RGMA: variants seen among roughly 807,000 people sequenced by gnomAD.
RGMA encodes repulsive guidance molecule A.
In RGMA, 10 loss-of-function variants were observed where a neutral mutation model predicts 23.2. The observed-to-expected ratio is 0.43, with a 90% CI of 0.27 to 0.73. The LOEUF (loss-of-function observed/expected upper bound fraction) is 0.73, where lower values mean the gene tolerates loss of function less well. RGMA is among the 30% of genes least tolerant of loss of function. The probability of loss-of-function intolerance (pLI) is 0.20; values close to 1 mark genes in which losing one functional copy is unlikely to be tolerated. For missense variants in RGMA, 547 were observed against 630.5 expected (o/e 0.87, Z 1.42); for synonymous variants, 308 against 279.3 (o/e 1.10, Z -1.03).
chr15:93,058,045 T>G (rs2055041868), intron 2 of RGMA, among the ~76,000 whole-genome samples: 1 of 152,228 alleles, frequency 6.6e-6, no homozygotes, highest in Admixed American at 6.5e-5. Flanking sequence ...TGGGAGAAGA[T>G]GCGGTGAGAA....
chr15:93,055,148 CAGAGAA>C (rs2141816436), intron 2 of RGMA, among the ~76,000 whole-genome samples: 2 of 152,212 alleles, frequency 1.3e-5, no homozygotes, highest in Non-Finnish European at 2.9e-5. Context: ...ATGTGGGTGT[CAGAGAA>C]AATCAACCGG....
At chr15:93,079,360 C>G (rs537842540) in intron 1 of RGMA, among the ~76,000 whole-genome samples, 1 of 152,222 alleles carries the variant, frequency 6.6e-6, no homozygotes, top group South Asian at 2.1e-4. Flanking sequence ...GTTTCTCCCT[C>G]GTCTCCAGGC....
rs897360633 is a variant in RGMA at position 93,040,646 on chromosome 15, A to G, written c.*4352T>C. ...TTCCCTTTTCTCTGTGGAGCTCGTT[A>G]CCATGGGACCCTGGGTTTTGTAACT... On this transcript the variant is annotated 3_prime_UTR_variant, in exon 4 of 4. Transcript: ENST00000329082. The G allele has an allele frequency of 6.6e-6, 1 of 152,072 alleles. No homozygotes were observed. Among genetic ancestry groups the G allele is most frequent in the African/African-American group, 2.4e-5 (1 of 41,384 alleles). 9.4% of individuals were successfully genotyped at this position (152,072 alleles called of 1,614,324 possible). A position where few individuals can be genotyped will look rare whatever the true frequency, so the allele number is the denominator to read the frequency against.
chr15:93,067,929 C>A (rs1895209083), intron 2 of RGMA, among the ~76,000 whole-genome samples: 1 of 152,068 alleles, frequency 6.6e-6, no homozygotes, highest in Non-Finnish European at 1.5e-5. Flanking sequence ...ACAGAGGGAA[C>A]AGGCAGGACC....
rs2054712374 is a variant in RGMA, at chr15:93,040,648, C to CA, written c.*4349dup. The CA allele has an allele frequency of 6.6e-6, 1 of 152,214 alleles. No individual in the cohort carries two copies. 9.4% of individuals were successfully genotyped at this position (152,214 alleles called of 1,614,324 possible). On this transcript the variant is annotated 3_prime_UTR_variant, in exon 4 of 4. Coordinates refer to ENST00000329082, the MANE Select transcript of RGMA (RefSeq NM_020211.3). Reference sequence around the variant, plus strand: ...CCCTTTTCTCTGTGGAGCTCGTTACCATGGGACCCTGGGTTTTGTAACTGT... The same window carrying CA: ...CCCTTTTCTCTGTGGAGCTCGTTACCAATGGGACCCTGGGTTTTGTAACTGT...
In RGMA at chr15:93,038,584, T is replaced by TTTTTTTTTTTTTTTTTTTTTTTTG. The variant is rs2054686894; in HGVS notation, c.*6413_*6414insCAAAAAAAAAAAAAAAAAAAAAAA. The TTTTTTTTTTTTTTTTTTTTTTTTG allele has an allele frequency of 6.7e-6, 1 of 148,736 alleles. No individual in the cohort carries two copies. The highest frequency in any genetic ancestry group is 2.5e-5 in the African/African-American group (1 of 40,664). The allele number at this position is 148,736 out of a possible 1,614,324, so 9.2% of individuals were successfully genotyped here. ...ACTGTTAGTTGTTTTTTTTTTTTTTTTGAGACGGTGTCTTGCTCTGTCGCC... is the reference window on the plus strand; with the variant it reads ...ACTGTTAGTTGTTTTTTTTTTTTTTTTTTTTTTTTTTTTTTTTTTTTTTGTGAGACGGTGTCTTGCTCTGTCGCC... On this transcript the variant is annotated 3_prime_UTR_variant, in exon 4 of 4. Coordinates refer to ENST00000329082, the MANE Select transcript of RGMA (RefSeq NM_020211.3).
chr15:93,048,016 G>A (rs2054854121), intron 3 of RGMA, among the ~76,000 whole-genome samples: 1 of 152,184 alleles, frequency 6.6e-6, no homozygotes, highest in South Asian at 2.1e-4. Flanking sequence ...GAGGCCAGGG[G>A]TGCAGCAGAG....
chr15:93,062,018 T>C (rs1200579694), intron 2 of RGMA, among the ~76,000 whole-genome samples: 1 of 151,800 alleles, frequency 6.6e-6, no homozygotes, highest in Non-Finnish European at 1.5e-5. Context: ...GACCAATAAA[T>C]TACCCGCGTG....
chr15:93,050,714 C>A (rs75047535), intron 3 of RGMA, among the ~76,000 whole-genome samples: 1,700 of 152,176 alleles, frequency 0.011, 32 homozygotes, highest in African/African-American at 0.038. Context: ...GCTTCCACCC[C>A]CTGGGGTCTG....
chr15:93,065,717 C>T, intron 2 of RGMA: 14 of 1,199,058 alleles, frequency 1.2e-5, no homozygotes, highest in Non-Finnish European at 1.7e-5. Flanking sequence ...CCCTGGGGCT[C>T]AGGCCGGGGA....
chr15:93,084,785 T>C (rs1895612018), intron 1 of RGMA, among the ~76,000 whole-genome samples: 1 of 152,224 alleles, frequency 6.6e-6, no homozygotes, highest in Non-Finnish European at 1.5e-5. Context: ...CTCAGGGTTT[T>C]TGAATAGACA....
At position 93,052,510 on chromosome 15, in the gene RGMA, G is replaced by A. The variant is rs2054943878; in HGVS notation, c.131-3C>T. ...GAGGATCTTGCACGGGGAGGTGGCT[G>A]AGGAGAAAGGAACGAACACACCGTC... is the stretch of plus-strand genomic sequence containing the variant. On this transcript the variant is annotated splice_region_variant and splice_polypyrimidine_tract_variant and intron_variant, in intron 2 of 3. Transcript: ENST00000329082. The A allele has an allele frequency of 1.3e-6, 2 of 1,562,864 alleles. No homozygotes were observed. Among genetic ancestry groups the A allele is most frequent in the Non-Finnish European group, 1.7e-6 (2 of 1,154,112 alleles).
intron 2 of RGMA, among the ~76,000 whole-genome samples, chr15:93,068,165 A>AT (rs1895217069): frequency 6.6e-6 from 1 of 152,204 alleles, no homozygotes; most frequent in South Asian, 2.1e-4. Flanking sequence ...TAAAACTAGG[A>AT]AAGTCCTGGG....
In RGMA at chr15:93,036,021, G is replaced by A. The variant is rs1279342331; in HGVS notation, c.*8977C>T. 1 of 152,196 alleles carries A rather than the reference G, an allele frequency of 6.6e-6. No individual in the cohort carries two copies. Among genetic ancestry groups the A allele is most frequent in the East Asian group, 1.9e-4 (1 of 5,194 alleles). The allele number at this position is 152,196 out of a possible 1,614,324, so 9.4% of individuals were successfully genotyped here. ...TCCCTGATGGGCTGGTCACCGTGAA[G>A]GGCCCCCTCCCCACACTGCACGTGT... On this transcript the variant is annotated 3_prime_UTR_variant, in exon 4 of 4. Coordinates refer to ENST00000329082, the MANE Select transcript of RGMA (RefSeq NM_020211.3).
intron 2 of RGMA, among the ~76,000 whole-genome samples, chr15:93,058,250 G>A (rs58589040): frequency 0.072 from 10,998 of 152,274 alleles, 517 homozygotes; most frequent in African/African-American, 0.13. Flanking sequence ...AGTGCCCAGT[G>A]GGAGGGTCTC....
chr15:93,062,692 A>AAGGTGGG (rs1264539158), intron 2 of RGMA: 1 of 152,182 alleles, frequency 6.6e-6, no homozygotes, highest in Non-Finnish European at 1.5e-5. Context: ...TGGAGAAGGG[A>AAGGTGGG]AGGTGGGAGG....
At chr15:93,085,968 C>T (rs1186919053) in intron 1 of RGMA, among the ~76,000 whole-genome samples, 2 of 152,346 alleles carry the variant, frequency 1.3e-5, no homozygotes, top group East Asian at 3.9e-4. Flanking sequence ...CTGCCCTATT[C>T]ATTGCTCCTT....
chr15:93,052,590 G>A, intron 2 of RGMA, 83 bp from the exon 3 acceptor site: 1 of 1,383,080 alleles, frequency 7.2e-7, no homozygotes, highest in Non-Finnish European at 9.6e-7. Flanking sequence ...CAGGGGAGCA[G>A]CCACACATCG....
In RGMA at chr15:93,088,948, G is replaced by C. The variant is rs1406559427; in HGVS notation, c.-16C>G. 3 of 1,397,884 alleles carry C rather than the reference G, an allele frequency of 2.1e-6. No individual in the cohort carries two copies. The East Asian group carries it at 9.2e-5, about 43-fold the overall frequency. The allele number at this position is 1,397,884 out of a possible 1,614,324, so 86.6% of individuals were successfully genotyped here. A position where few individuals can be genotyped will look rare whatever the true frequency, so the allele number is the denominator to read the frequency against. On this transcript the variant is annotated 5_prime_UTR_variant, in exon 1 of 4. Transcript: ENST00000329082. ...GCGGCTGCATGAGCCCCTGCGGCCC[G>C]CGGGGGGTGGCGCTGGCGGGGCTGC...
Sources: allele counts gnomAD v4.1 joint callset (sites outside exome capture counted in the v4.1 genomes callset), GRCh38; gene constraint gnomAD v4.1.1; transcripts MANE v1.5; gene names NCBI Gene and HGNC (gene_info 2026-07-23, HGNC 2026-07-21).